The following UBAP1L variants were observed in gnomAD, a reference collection of about 807,000 sequenced individuals.
UBAP1L encodes ubiquitin-associated protein 1-like.
A neutral mutation model predicts 32.1 loss-of-function variants in UBAP1L; 32 were observed. That is an observed-to-expected ratio of 1.00 (90% confidence interval 0.75 to 1.34). UBAP1L has a LOEUF of 1.34. Among genes scored for constraint, UBAP1L ranks in the 40% most tolerant of loss-of-function variants. The pLI, the probability that UBAP1L is intolerant of heterozygous loss-of-function variation, is 0.00. For missense variants in UBAP1L, 516 were observed against 540.5 expected (o/e 0.95, Z 0.45); for synonymous variants, 243 against 250.2 (o/e 0.97, Z 0.27).
rs2087247745 is a variant in UBAP1L at position 65,102,167 on chromosome 15, G to T, written c.638C>A (p.Pro213His). The change falls in exon 3 of 6, where the codon CCC becomes CAC. Residue 213 changes from proline to histidine, a missense_variant. By Grantham distance (77) the Pro-to-His change is moderately conservative. Transcript: ENST00000559089. The surrounding 1 kb of genome is among the most constrained non-coding windows in gnomAD (Gnocchi z 5.0). ...GGCGCCTGCCGTGGAGGGCCGCGGG[G>T]GCGACGCGGGGGCGGCGGGGTGCTG... Reference protein sequence around the residue: ...APQHPAAPASPPRPSTAGAIP... With the variant: ...APQHPAAPASHPRPSTAGAIP... 14 of 1,200,864 alleles carry T rather than the reference G, an allele frequency of 1.2e-5. No individual in the cohort carries two copies. Among genetic ancestry groups the T allele is most frequent in the Non-Finnish European group, 1.4e-5 (14 of 966,892 alleles). 74.4% of individuals were successfully genotyped at this position (1,200,864 alleles called of 1,614,324 possible).
chr15:65,100,100 C>T lies in UBAP1L; in HGVS notation c.700-386G>A, dbSNP rs183335239. On this transcript the variant is annotated intron_variant, in intron 3 of 5. Transcript: ENST00000559089. ...CTCTATTAAAAAATACAAAATTAGC[C>T]GGACGTGGTGGCACATGCCTGTAAT... 119 of 158,060 alleles carry T rather than the reference C, an allele frequency of 7.5e-4. 1 individual carries two copies. The highest frequency in any genetic ancestry group is 2.7e-3 in the African/African-American group (111 of 41,658). 9.8% of individuals were successfully genotyped at this position (158,060 alleles called of 1,614,324 possible).
chr15:65,102,729 CG>C lies in UBAP1L; in HGVS notation c.121-46del, dbSNP rs1595921005. On this transcript the variant is annotated intron_variant, in intron 2 of 5. Transcript: ENST00000559089. This position sits in a 1 kb window ranked among gnomAD's most constrained non-coding sequence, Gnocchi z 5.0. ...TAAAGCCCAGGGCAAACCAGGACCC[CG>C]GGGGCACAACACTAACCCCTGGCCT... is the stretch of plus-strand genomic sequence containing the variant. 12 of 1,518,258 alleles carry C rather than the reference CG, an allele frequency of 7.9e-6. No homozygotes were observed. The highest frequency in any genetic ancestry group is 1.4e-5 in the African/African-American group (1 of 72,506). The allele number at this position is 1,518,258 out of a possible 1,614,324, so 94.0% of individuals were successfully genotyped here. A position where few individuals can be genotyped will look rare whatever the true frequency, so the allele number is the denominator to read the frequency against.
chr15:65,102,221 C>G lies in UBAP1L; in HGVS notation c.584G>C (p.Arg195Thr). 8.1e-7 allele frequency: 1 copy of G among 1,235,176 alleles called. No individual in the cohort carries two copies. The allele number at this position is 1,235,176 out of a possible 1,614,324, so 76.5% of individuals were successfully genotyped here. A position where few individuals can be genotyped will look rare whatever the true frequency, so the allele number is the denominator to read the frequency against. The part of the protein sequence containing the change: ...SLCPSPAQSP[R>T]SASPPGPAPQ... ...CGCGGGCCCCGGGGGTGATGCAGAC[C>G]TGGGGGACTGCGCAGGGCTCGGGCA... The change falls in exon 3 of 6, where the codon AGG (arginine) becomes ACG (threonine). Residue 195 changes from arginine (R) to threonine (T), a missense_variant. By Grantham distance (71) the Arg-to-Thr change is moderately conservative. Coordinates refer to ENST00000559089, the MANE Select transcript of UBAP1L (RefSeq NM_001163692.2). This position sits in a 1 kb window ranked among gnomAD's most constrained non-coding sequence, Gnocchi z 5.0.
At chr15:65,101,131 C>T (rs961330622) in intron 3 of UBAP1L, 1 of 152,234 alleles carries the variant, frequency 6.6e-6, no homozygotes, top group African/African-American at 2.4e-5. Flanking sequence ...ATGTAAGAAA[C>T]CAGACCTCAG....
intron 4 of UBAP1L, chr15:65,096,954 A>C (rs1280767727): frequency 3.3e-5 from 5 of 152,288 alleles, no homozygotes; most frequent in Non-Finnish European, 7.3e-5. Flanking sequence ...TGGGAGAAGG[A>C]ATCTGAACCC....
intron 4 of UBAP1L, chr15:65,097,071 G>A (rs1273639034): frequency 6.6e-6 from 1 of 152,266 alleles, no homozygotes; most frequent in Non-Finnish European, 1.5e-5. Context: ...CACCCCGTGG[G>A]GCCTGGCTCC....
intron 3 of UBAP1L, chr15:65,100,559 G>A (rs1010909327): frequency 2.3e-4 from 35 of 152,266 alleles, no homozygotes; most frequent in Admixed American, 1.8e-3. Flanking sequence ...TAAGGAGGGT[G>A]ACTTGAAGGC....
intron 3 of UBAP1L, chr15:65,101,484 C>A (rs534786605): frequency 6.6e-6 from 1 of 152,462 alleles, no homozygotes; most frequent in South Asian, 2.1e-4. Context: ...CTATTGCAGC[C>A]CTGACGCTCC....
At position 65,094,400 on chromosome 15, in the gene UBAP1L, G is replaced by T. The variant is rs1316402993; in HGVS notation, c.1011+75C>A. On this transcript the variant is annotated intron_variant, in intron 5 of 5. Coordinates refer to ENST00000559089, the MANE Select transcript of UBAP1L (RefSeq NM_001163692.2). The surrounding 1 kb of genome is among the most constrained non-coding windows in gnomAD (Gnocchi z 4.2). ...CAGACTGGCTCTGAGGACTGGTGTG[G>T]CCCTGCACACCGGGCTCCTGGGTAC... The T allele has an allele frequency of 2.8e-6, 3 of 1,056,012 alleles. No individual in the cohort carries two copies. The highest frequency in any genetic ancestry group is 1.6e-5 in the African/African-American group (1 of 63,420). 65.4% of individuals were successfully genotyped at this position (1,056,012 alleles called of 1,614,324 possible). A position where few individuals can be genotyped will look rare whatever the true frequency, so the allele number is the denominator to read the frequency against.
rs1441809573 is a variant in UBAP1L, at chr15:65,102,021, C to A, written c.699+85G>T. On this transcript the variant is annotated intron_variant, in intron 3 of 5. Transcript: ENST00000559089. The surrounding 1 kb of genome is among the most constrained non-coding windows in gnomAD (Gnocchi z 5.0). ...TGCAGGAGCGCGTGGAGTAGGGGAC[C>A]GAGGCTGCGGGCTGGGCTGGACACC... 1.1e-5 allele frequency: 6 copies of A among 545,760 alleles called. No homozygotes were observed. Among genetic ancestry groups the A allele is most frequent in the Admixed American group, 4.7e-5 (1 of 21,164 alleles). The allele number at this position is 545,760 out of a possible 1,614,324, so 33.8% of individuals were successfully genotyped here.
intron 4 of UBAP1L, chr15:65,099,233 G>C (rs2087211148): frequency 2.3e-6 from 1 of 443,818 alleles, no homozygotes; most frequent in Non-Finnish European, 4.1e-6. Flanking sequence ...CTCTTCAGTT[G>C]TCTGCCCCTT....
At chr15:65,105,354 C>CTA (rs1183224909) in intron 2 of UBAP1L, among the ~76,000 whole-genome samples, 2 of 151,998 alleles carry the variant, frequency 1.3e-5, no homozygotes, top group Admixed American at 1.3e-4. Flanking sequence ...TGGCATGTGC[C>CTA]TATAGTCCTA....
intron 2 of UBAP1L, chr15:65,105,621 C>A: frequency 1.5e-6 from 1 of 655,894 alleles, no homozygotes. Context: ...TAAGAACACT[C>A]GTGAAACTGT....
chr15:65,102,514 C>A lies in UBAP1L; in HGVS notation c.291G>T (p.Pro97=). The change falls in exon 3 of 6, where the codon CCG becomes CCT. Residue 97 remains proline (P), a synonymous_variant. Coordinates refer to ENST00000559089, the MANE Select transcript of UBAP1L (RefSeq NM_001163692.2). This position sits in a 1 kb window ranked among gnomAD's most constrained non-coding sequence, Gnocchi z 5.0. ...CCGGCCTCTCCTGGTGTCCGGCCTC[C>A]GGGTCTCTGATTGTGGTGGGCGCAG... is the stretch of plus-strand genomic sequence containing the variant. The part of the protein sequence containing the change: ...LAPAPTTIRD[P]EAGHQERPEE... 6.8e-7 allele frequency: 1 copy of A among 1,480,238 alleles called. No individual in the cohort carries two copies. The highest frequency in any genetic ancestry group is 1.3e-5 in the South Asian group (1 of 74,246). 91.7% of individuals were successfully genotyped at this position (1,480,238 alleles called of 1,614,324 possible). A position where few individuals can be genotyped will look rare whatever the true frequency, so the allele number is the denominator to read the frequency against.
chr15:65,097,699 C>T (rs567249905), intron 4 of UBAP1L: 13 of 152,350 alleles, frequency 8.5e-5, no homozygotes, highest in African/African-American at 3.1e-4. Context: ...ATTTTAGCCA[C>T]ATGGGGGTCA....
rs1157532117 is a variant in UBAP1L at position 65,102,682 on chromosome 15, G to C, written c.123C>G (p.His41Gln). Residue 41 changes from histidine to glutamine, a missense_variant and splice_region_variant, in exon 3 of 6, where the codon CAC becomes CAG. His to Gln is a conservative substitution (Grantham distance 24). Coordinates refer to ENST00000559089, the MANE Select transcript of UBAP1L (RefSeq NM_001163692.2). This position sits in a 1 kb window ranked among gnomAD's most constrained non-coding sequence, Gnocchi z 5.0. ...GTGCCGTCCTCTCCAGGCTGAAGTCGTGCTGCGGAAAGAAGGCGACGTAAA... is the reference window on the plus strand; with the variant it reads ...GTGCCGTCCTCTCCAGGCTGAAGTCCTGCTGCGGAAAGAAGGCGACGTAAA... ...ACGEVLLGSMHDFSLERTALF... is the reference protein window; with the variant it reads ...ACGEVLLGSMQDFSLERTALF... The C allele has an allele frequency of 6.5e-7, 1 of 1,546,320 alleles. No homozygotes were observed. Among genetic ancestry groups the C allele is most frequent in the Admixed American group, 2.0e-5 (1 of 50,926 alleles).
intron 4 of UBAP1L, 181 bp downstream of exon 4, chr15:65,099,324 A>C: frequency 1.6e-6 from 1 of 623,760 alleles, no homozygotes; most frequent in Non-Finnish European, 2.8e-6. Flanking sequence ...AGGCAGGGGT[A>C]TAAAGGCCTG....
At chr15:65,099,915 A>G in intron 3 of UBAP1L, 1 of 518,930 alleles carries the variant, frequency 1.9e-6, no homozygotes, top group South Asian at 2.9e-5. Context: ...GCAATCCCTA[A>G]GCTACTTCAC....
chr15:65,102,264 G>T lies in UBAP1L; in HGVS notation c.541C>A (p.His181Asn). 7.6e-7 allele frequency: 1 copy of T among 1,316,300 alleles called. No homozygotes were observed. Among genetic ancestry groups the T allele is most frequent in the Non-Finnish European group, 9.6e-7 (1 of 1,037,220 alleles). 81.5% of individuals were successfully genotyped at this position (1,316,300 alleles called of 1,614,324 possible). Residue 181 changes from histidine to asparagine, a missense_variant, in exon 3 of 6, where the codon CAC becomes AAC. By Grantham distance (68) the His-to-Asn change is moderately conservative. Coordinates refer to ENST00000559089, the MANE Select transcript of UBAP1L (RefSeq NM_001163692.2). This position sits in a 1 kb window ranked among gnomAD's most constrained non-coding sequence, Gnocchi z 5.0. ...PRALLHGLRG[H>N]RALSLCPSPA... Reference sequence around the variant, plus strand: ...CTCGGGCACAGGCTCAGCGCGCGGTGGCCGCGGAGGCCATGCAGGAGGGCG... The same window carrying T: ...CTCGGGCACAGGCTCAGCGCGCGGTTGCCGCGGAGGCCATGCAGGAGGGCG...
Sources: gnomAD v4.1 joint callset for allele counts (sites outside exome capture counted in the v4.1 genomes callset) on GRCh38, gnomAD v4.1.1 for gene constraint, Gnocchi (gnomAD v3.1) non-coding constraint, MANE v1.5 for transcripts, NCBI Gene and HGNC (gene_info 2026-07-23, HGNC 2026-07-21) for gene names.